SPMIP4: variants seen among roughly 807,000 people sequenced by gnomAD.
SPMIP4 encodes the protein sperm-associated microtubule inner protein 4.
chr7:25,167,158 CCAG>C, the SPMIP4 span, among the ~76,000 whole-genome samples: 1 of 152,126 alleles, frequency 6.6e-6, no homozygotes, highest in Non-Finnish European at 1.5e-5. Context: ...AGCTATCTCC[CCAG>C]TCTCTAGAAC....
the SPMIP4 span, among the ~76,000 whole-genome samples, chr7:25,146,192 CAGAG>C: frequency 6.6e-6 from 1 of 152,010 alleles, no homozygotes; most frequent in Non-Finnish European, 1.5e-5. Context: ...GAGAGACTGG[CAGAG>C]AGAATTATTT....
chr7:25,136,122 C>T, the SPMIP4 span: 2 of 1,614,162 alleles, frequency 1.2e-6, no homozygotes, highest in East Asian at 4.5e-5. The surrounding 1 kb of genome is among the most constrained non-coding windows in gnomAD (Gnocchi z 5.7). Context: ...TAAGCTCCAG[C>T]AGGTTGGTCT....
At chr7:25,131,875 G>T in the SPMIP4 span, among the ~76,000 whole-genome samples, 1 of 152,310 alleles carries the variant, frequency 6.6e-6, no homozygotes, top group East Asian at 1.9e-4. This position sits in a 1 kb window ranked among gnomAD's most constrained non-coding sequence, Gnocchi z 4.2. Context: ...GTGGCAATGG[G>T]CACCTCGCTG....
chr7:25,158,610 A>G, the SPMIP4 span: 1 of 1,158,518 alleles, frequency 8.6e-7, no homozygotes, highest in Non-Finnish European at 1.3e-6. Context: ...AACTTGATTA[A>G]TGATATAGGC....
At chr7:25,172,023 G>A in the SPMIP4 span, among the ~76,000 whole-genome samples, 2 of 152,198 alleles carry the variant, frequency 1.3e-5, no homozygotes, top group Non-Finnish European at 2.9e-5. This position sits in a 1 kb window ranked among gnomAD's most constrained non-coding sequence, Gnocchi z 4.2. Context: ...TCTAAAGGAT[G>A]AGTAGGAGTT....
At chr7:25,135,084 A>G in the SPMIP4 span, 2 of 407,878 alleles carry the variant, frequency 4.9e-6, no homozygotes, top group Non-Finnish European at 6.6e-6. Flanking sequence ...ACGATAGACT[A>G]TGTTTAAAAT....
At chr7:25,156,979 GC>G in the SPMIP4 span, among the ~76,000 whole-genome samples, 1 of 151,936 alleles carries the variant, frequency 6.6e-6, no homozygotes, top group Admixed American at 6.6e-5. Flanking sequence ...GAGCCACTGC[GC>G]CCGGCCACTC....
the SPMIP4 span, chr7:25,179,380 C>G: frequency 1.7e-3 from 2,663 of 1,533,454 alleles, 43 homozygotes; most frequent in African/African-American, 0.033. Flanking sequence ...TCAAGGCAGG[C>G]AGAAAACACA....
chr7:25,175,643 G>A, the SPMIP4 span, among the ~76,000 whole-genome samples: 2 of 152,152 alleles, frequency 1.3e-5, no homozygotes, highest in Non-Finnish European at 2.9e-5. Context: ...TTAAGCTGCT[G>A]AGTGCAAACG....
chr7:25,169,684 C>T, the SPMIP4 span, among the ~76,000 whole-genome samples: 1 of 152,112 alleles, frequency 6.6e-6, no homozygotes, highest in African/African-American at 2.4e-5. Flanking sequence ...AAGTGATTCT[C>T]CTGTCTCAGC....
chr7:25,162,213 C>T, the SPMIP4 span, among the ~76,000 whole-genome samples: 6 of 147,722 alleles, frequency 4.1e-5, no homozygotes, highest in African/African-American at 1.5e-4. Context: ...AGAGGTTGCA[C>T]TGAGCTGAGA....
the SPMIP4 span, among the ~76,000 whole-genome samples, chr7:25,140,423 T>C: frequency 6.6e-6 from 1 of 152,192 alleles, no homozygotes; most frequent in Non-Finnish European, 1.5e-5. Context: ...CACCTTAGCC[T>C]CCTGAGTAGC....
the SPMIP4 span, among the ~76,000 whole-genome samples, chr7:25,144,088 G>T: frequency 1.3e-5 from 2 of 152,270 alleles, no homozygotes; most frequent in East Asian, 3.9e-4. Context: ...TATGGATAGT[G>T]GTGGCAAGTG....
the SPMIP4 span, among the ~76,000 whole-genome samples, chr7:25,127,953 C>G: frequency 6.6e-6 from 1 of 152,184 alleles, no homozygotes; most frequent in East Asian, 1.9e-4. Context: ...ATAGCTTTTG[C>G]AGACTTGTAG....
At chr7:25,163,537 T>G in the SPMIP4 span, among the ~76,000 whole-genome samples, 2 of 152,346 alleles carry the variant, frequency 1.3e-5, no homozygotes, top group African/African-American at 4.8e-5. The surrounding 1 kb of genome is among the most constrained non-coding windows in gnomAD (Gnocchi z 4.4). Flanking sequence ...CCAGTCACCC[T>G]GGTGCTTGCT....
At chr7:25,128,568 T>C in the SPMIP4 span, among the ~76,000 whole-genome samples, 1 of 152,188 alleles carries the variant, frequency 6.6e-6, no homozygotes, top group Non-Finnish European at 1.5e-5. The surrounding 1 kb of genome is among the most constrained non-coding windows in gnomAD (Gnocchi z 4.5). Context: ...TAAATGCTAT[T>C]AGTCCCGAGT....
the SPMIP4 span, among the ~76,000 whole-genome samples, chr7:25,148,488 T>C: frequency 3.5e-5 from 3 of 86,892 alleles, no homozygotes; most frequent in African/African-American, 9.6e-5. Flanking sequence ...TTTTTTTTTT[T>C]TTTTTTGAGA....
chr7:25,133,353 A>C, the SPMIP4 span, among the ~76,000 whole-genome samples: 1 of 152,214 alleles, frequency 6.6e-6, no homozygotes, highest in Non-Finnish European at 1.5e-5. Flanking sequence ...ACAGTTTTGT[A>C]CACTTTGTGT....
chr7:25,150,253 A>C, the SPMIP4 span, among the ~76,000 whole-genome samples: 10 of 152,310 alleles, frequency 6.6e-5, no homozygotes, highest in African/African-American at 2.2e-4. Context: ...TTAGCTACAG[A>C]TCTGGAGCCT....
Sources: gnomAD v4.1 joint callset for allele counts (sites outside exome capture counted in the v4.1 genomes callset) on GRCh38, gnomAD v4.1.1 for gene constraint, Gnocchi (gnomAD v3.1) non-coding constraint, MANE v1.5 for transcripts, NCBI Gene and HGNC (gene_info 2026-07-23, HGNC 2026-07-21) for gene names.